Variants in MAP6 observed in about 807,000 individuals in gnomAD.
The protein encoded by MAP6 is microtubule-associated protein 6.
In MAP6, 26 loss-of-function variants were observed where a neutral mutation model predicts 42.4. The ratio of observed to expected loss-of-function variants is 0.61; its 90% CI spans 0.45 to 0.85. The LOEUF (loss-of-function observed/expected upper bound fraction) is 0.85, where lower values mean the gene tolerates loss of function less well. Ranked by LOEUF, MAP6 falls within the 40% of genes least tolerant of loss-of-function variation. The probability of loss-of-function intolerance (pLI) is 0.00; values close to 1 mark genes in which losing one functional copy is unlikely to be tolerated. For missense variants in MAP6, 966 were observed against 1,099.0 expected (o/e 0.88, Z 1.71); for synonymous variants, 418 against 443.8 (o/e 0.94, Z 0.73).
chr11:75,598,227 G>A (rs1942615071), intron 3 of MAP6, among the ~76,000 whole-genome samples: 1 of 152,216 alleles, frequency 6.6e-6, no homozygotes, highest in Admixed American at 6.5e-5. Flanking sequence ...GAGGCTTAAA[G>A]AAATTAAGAG....
chr11:75,622,234 T>C (rs781504303), intron 1 of MAP6, among the ~76,000 whole-genome samples: 1 of 152,136 alleles, frequency 6.6e-6, no homozygotes, highest in Non-Finnish European at 1.5e-5. Context: ...TAAGTTTTTT[T>C]TGATTTTTAA....
chr11:75,590,992 T>C (rs1396868009), intron 3 of MAP6, among the ~76,000 whole-genome samples: 1 of 152,028 alleles, frequency 6.6e-6, no homozygotes, highest in Non-Finnish European at 1.5e-5. Flanking sequence ...GAAAAAAGTT[T>C]AGGAAAAATG....
At chr11:75,633,837 G>A (rs1943323385) in intron 1 of MAP6, among the ~76,000 whole-genome samples, 2 of 152,234 alleles carry the variant, frequency 1.3e-5, no homozygotes, top group Admixed American at 1.3e-4. Flanking sequence ...AGAAGGGCGA[G>A]CAGAGTGGGG....
At chr11:75,656,829 A>G (rs965637644) in intron 1 of MAP6, among the ~76,000 whole-genome samples, 7 of 152,210 alleles carry the variant, frequency 4.6e-5, no homozygotes, top group Admixed American at 2.6e-4. Context: ...CACAGAGAAT[A>G]ACGTCCATAA....
intron 1 of MAP6, among the ~76,000 whole-genome samples, chr11:75,647,677 G>GA (rs1943585217): frequency 6.6e-6 from 1 of 152,168 alleles, no homozygotes; most frequent in Admixed American, 6.5e-5. Context: ...TGAGGAAAGG[G>GA]AATGACATCT....
chr11:75,610,538 G>A (rs1301514491), intron 1 of MAP6, among the ~76,000 whole-genome samples: 1 of 152,272 alleles, frequency 6.6e-6, no homozygotes, highest in Non-Finnish European at 1.5e-5. Context: ...TAAGAGGCTA[G>A]ACAGGCCATG....
chr11:75,666,987 T>G lies in MAP6; in HGVS notation c.905+478A>C, dbSNP rs1386999948. 2.6e-5 allele frequency among the ~76,000 whole-genome samples: 4 copies of G among 151,958 alleles called. No individual in the cohort carries two copies. The East Asian group carries it at 7.7e-4, about 29-fold the overall frequency. ...TGGTGCTTGGGTGTTGCCCAGAGACTGAGAAAGGGAGGAAAGAATGAAGGG... is the reference window on the plus strand; with the variant it reads ...TGGTGCTTGGGTGTTGCCCAGAGACGGAGAAAGGGAGGAAAGAATGAAGGG... On this transcript the variant is annotated intron_variant, in intron 1 of 3. Coordinates refer to ENST00000304771, the MANE Select transcript of MAP6 (RefSeq NM_033063.2).
intron 3 of MAP6, chr11:75,603,228 C>T: frequency 1.0e-6 from 1 of 985,526 alleles, no homozygotes; most frequent in Non-Finnish European, 1.2e-6. Context: ...GCTTCAGTCC[C>T]AGCTCCCTCG....
At chr11:75,652,831 T>C (rs1197828038) in intron 1 of MAP6, among the ~76,000 whole-genome samples, 1 of 143,502 alleles carries the variant, frequency 7.0e-6, no homozygotes, top group African/African-American at 2.6e-5. Context: ...TGAGACTCCA[T>C]CTCAGAAAAA....
At chr11:75,649,467 GA>G (rs766522857) in intron 1 of MAP6, among the ~76,000 whole-genome samples, 154 of 152,002 alleles carry the variant, frequency 1.0e-3, no homozygotes, top group Middle Eastern at 3.4e-3. Context: ...TAGTGGGGGG[GA>G]AAAATAACAA....
rs142699972 is a variant in MAP6 at position 75,660,412 on chromosome 11, A to G, written c.905+7053T>C. 5.0e-3 allele frequency among the ~76,000 whole-genome samples: 760 copies of G among 152,282 alleles called. 7 individuals are homozygous for G. The highest frequency in any genetic ancestry group is 0.018 in the African/African-American group (733 of 41,544). ...ACAACCCAAATTCTATATATTGAAA[A>G]GTACCTCAACTTTCACTTCTGACTT... On this transcript the variant is annotated intron_variant, in intron 1 of 3. Transcript: ENST00000304771.
intron 1 of MAP6, among the ~76,000 whole-genome samples, chr11:75,621,209 C>T (rs1235881895): frequency 6.6e-6 from 1 of 151,834 alleles, no homozygotes; most frequent in East Asian, 1.9e-4. Flanking sequence ...GGAGTGGTGG[C>T]TCACTCTTGT....
At chr11:75,646,350 GAA>G (rs1943552345) in intron 1 of MAP6, among the ~76,000 whole-genome samples, 2 of 152,070 alleles carry the variant, frequency 1.3e-5, no homozygotes, top group South Asian at 2.1e-4. Context: ...ATTTTCAGCA[GAA>G]AAGAGTGGGA....
At chr11:75,638,780 G>T (rs1013011796) in intron 1 of MAP6, among the ~76,000 whole-genome samples, 1 of 152,074 alleles carries the variant, frequency 6.6e-6, no homozygotes, top group Admixed American at 6.6e-5. Context: ...GAACTATCAC[G>T]CAATCCAGCA....
At chr11:75,628,556 C>T (rs778591762) in intron 1 of MAP6, among the ~76,000 whole-genome samples, 11 of 152,222 alleles carry the variant, frequency 7.2e-5, no homozygotes, top group Middle Eastern at 3.2e-3. Flanking sequence ...CCACTGTAGG[C>T]ATCTCCTCTG....
chr11:75,663,419 T>C (rs938773662), intron 1 of MAP6, among the ~76,000 whole-genome samples: 6 of 152,156 alleles, frequency 3.9e-5, no homozygotes, highest in African/African-American at 1.4e-4. Flanking sequence ...TTCAACTAAA[T>C]GAAATTGACT....
chr11:75,611,188 T>C (rs1453326547), intron 1 of MAP6, among the ~76,000 whole-genome samples: 6 of 152,256 alleles, frequency 3.9e-5, no homozygotes, highest in African/African-American at 1.2e-4. Flanking sequence ...GATGGGCTCC[T>C]GGTATTTGGG....
chr11:75,655,453 A>G (rs769107707), intron 1 of MAP6, among the ~76,000 whole-genome samples: 2 of 152,226 alleles, frequency 1.3e-5, no homozygotes, highest in Non-Finnish European at 2.9e-5. Context: ...TTTAACGTGC[A>G]GCCAGGGCTG....
chr11:75,613,692 G>C (rs1041628500), intron 1 of MAP6, among the ~76,000 whole-genome samples: 2 of 152,168 alleles, frequency 1.3e-5, no homozygotes, highest in African/African-American at 4.8e-5. Flanking sequence ...AGAGAGTCTG[G>C]GGCTATGATA....
Sources: allele counts gnomAD v4.1 joint callset (sites outside exome capture counted in the v4.1 genomes callset), GRCh38; gene constraint gnomAD v4.1.1; transcripts MANE v1.5; gene names NCBI Gene and HGNC (gene_info 2026-07-23, HGNC 2026-07-21).